FZD6: variants seen among roughly 807,000 people sequenced by gnomAD.
FZD6 encodes the protein frizzled-6.
In FZD6, 49 loss-of-function variants were observed where a neutral mutation model predicts 61.4. The observed-to-expected ratio is 0.80, with a 90% CI of 0.63 to 1.01. The LOEUF (loss-of-function observed/expected upper bound fraction) is 1.01, where lower values mean the gene tolerates loss of function less well. Among genes scored for constraint, FZD6 ranks in the 50% least tolerant of loss-of-function variants. The pLI is 0.00. For missense variants in FZD6, 724 were observed against 848.2 expected (o/e 0.85, Z 1.82); for synonymous variants, 265 against 292.2 (o/e 0.91, Z 0.95).
chr8:103,301,099 A>G (rs1019882980), intron 2 of FZD6, among the ~76,000 whole-genome samples: 2 of 152,172 alleles, frequency 1.3e-5, no homozygotes, highest in African/African-American at 4.8e-5. Context: ...GATTGTTGCT[A>G]AGAGAGGAAA....
At position 103,325,500 on chromosome 8, in the gene FZD6, TA is replaced by T; in HGVS notation, c.1392+6del. The T allele has an allele frequency of 6.3e-7, 1 of 1,599,938 alleles. No individual in the cohort carries two copies. The highest frequency in any genetic ancestry group is 8.6e-7 in the Non-Finnish European group (1 of 1,167,180). On this transcript the variant is annotated splice_donor_region_variant and intron_variant, in intron 4 of 6. Coordinates refer to ENST00000358755, the MANE Select transcript of FZD6 (RefSeq NM_003506.4). ...TACCATATCCCATGTCCTTATCAGG[TA>T]AAAGCTATCACTTGGATTATGTCTC... is the stretch of plus-strand genomic sequence containing the variant.
intron 2 of FZD6, among the ~76,000 whole-genome samples, chr8:103,305,474 TC>T (rs1475571654): frequency 6.6e-6 from 1 of 152,256 alleles, no homozygotes; most frequent in Non-Finnish European, 1.5e-5. Context: ...ATTTTTATTT[TC>T]CTGCTTTTAG....
intron 2 of FZD6, among the ~76,000 whole-genome samples, chr8:103,315,930 A>C (rs751902093): frequency 3.9e-5 from 6 of 152,166 alleles, no homozygotes; most frequent in Non-Finnish European, 7.3e-5. Context: ...GCCACATTCT[A>C]ACTAACAGGT....
chr8:103,309,635 A>G (rs935201174), intron 2 of FZD6, among the ~76,000 whole-genome samples: 2 of 152,172 alleles, frequency 1.3e-5, no homozygotes, highest in Non-Finnish European at 2.9e-5. Context: ...AAATATGCCT[A>G]TTGTGTTTTT....
Position 103,324,610 on chromosome 8 carries a change from T to C in FZD6, c.504T>C (p.Ser168=), listed in dbSNP as rs775449278. Residue 168 remains serine, a synonymous_variant, in exon 4 of 7, where the codon TCT becomes TCC. Coordinates refer to ENST00000358755, the MANE Select transcript of FZD6 (RefSeq NM_003506.4). Reference sequence around the variant, plus strand: ...GGTGTCCAAGGCATCTTAAGACTTCTGGGGGACAAGGATATAAGTTTCTGG... The same window carrying C: ...GGTGTCCAAGGCATCTTAAGACTTCCGGGGGACAAGGATATAAGTTTCTGG... ...GFWCPRHLKT[S]GGQGYKFLGI... 5 of 1,614,202 alleles carry C rather than the reference T, an allele frequency of 3.1e-6. No homozygotes were observed. Among genetic ancestry groups the C allele is most frequent in the Non-Finnish European group, 4.2e-6 (5 of 1,180,022 alleles).
chr8:103,314,020 G>A (rs1375794608), intron 2 of FZD6, among the ~76,000 whole-genome samples: 1 of 151,992 alleles, frequency 6.6e-6, no homozygotes, highest in African/African-American at 2.4e-5. Flanking sequence ...TCATTTACCT[G>A]CCTGGCCTCT....
chr8:103,331,112 G>A (rs1563696002), intron 6 of FZD6, among the ~76,000 whole-genome samples: 2 of 152,170 alleles, frequency 1.3e-5, no homozygotes, highest in East Asian at 1.9e-4. Flanking sequence ...AAGAGGTGGA[G>A]GTTGCAGTGA....
intron 2 of FZD6, among the ~76,000 whole-genome samples, chr8:103,303,197 T>C (rs770998561): frequency 2.2e-4 from 33 of 152,270 alleles, no homozygotes; most frequent in African/African-American, 5.3e-4. Flanking sequence ...CCTTCCCACA[T>C]TGCACACTCT....
intron 4 of FZD6, among the ~76,000 whole-genome samples, chr8:103,327,309 C>T (rs1206899347): frequency 4.6e-5 from 7 of 152,266 alleles, no homozygotes; most frequent in Non-Finnish European, 7.4e-5. Flanking sequence ...GAATAAAGAG[C>T]TCTGGCCGGG....
intron 5 of FZD6, among the ~76,000 whole-genome samples, chr8:103,328,855 T>C (rs1815033258): frequency 6.6e-6 from 1 of 151,074 alleles, no homozygotes; most frequent in African/African-American, 2.4e-5. Flanking sequence ...CAAATATAAG[T>C]GATGTGTTAT....
In FZD6 at chr8:103,329,910, G is replaced by T. The variant is rs758708176; in HGVS notation, c.1797G>T (p.Glu599Asp). The part of the protein sequence containing the change: ...IQTSPETSMR[E>D]VKADGASTPR... ...CCTCACCAGAAACATCAATGAGAGAGGTGAAAGCGGACGGAGCTAGCACCC... is the reference window on the plus strand; with the variant it reads ...CCTCACCAGAAACATCAATGAGAGATGTGAAAGCGGACGGAGCTAGCACCC... Residue 599 changes from glutamate to aspartate, a missense_variant, in exon 6 of 7, where the codon GAG becomes GAT. By Grantham distance (45) the Glu-to-Asp change is conservative. Coordinates refer to ENST00000358755, the MANE Select transcript of FZD6 (RefSeq NM_003506.4). 1 of 1,614,042 alleles carries T rather than the reference G, an allele frequency of 6.2e-7. No individual in the cohort carries two copies. The highest frequency in any genetic ancestry group is 1.7e-5 in the Admixed American group (1 of 59,986).
chr8:103,326,043 G>C (rs1814943466), intron 4 of FZD6, among the ~76,000 whole-genome samples: 1 of 151,984 alleles, frequency 6.6e-6, no homozygotes, highest in South Asian at 2.1e-4. Flanking sequence ...TATAAGGGTG[G>C]TGTTTTTAAA....
At chr8:103,309,560 G>A (rs528970909) in intron 2 of FZD6, among the ~76,000 whole-genome samples, 5 of 152,202 alleles carry the variant, frequency 3.3e-5, no homozygotes, top group Admixed American at 2.6e-4. Context: ...TTCTTTCATG[G>A]TAGGGAGGGA....
Position 103,315,610 on chromosome 8 carries a change from A to AGGGG in FZD6, c.178-2978_178-2975dup, listed in dbSNP as rs1046919834. ...TTGTTGTCAGGCGTGAGAGTTACTG[A>AGGGG]GGGGGTGAGGAGGATGGAAGAGCAG... On this transcript the variant is annotated intron_variant, in intron 2 of 6. Coordinates refer to ENST00000358755, the MANE Select transcript of FZD6 (RefSeq NM_003506.4). 1.9e-3 allele frequency among the ~76,000 whole-genome samples: 292 copies of AGGGG among 152,294 alleles called. 4 individuals carry two copies. The highest frequency in any genetic ancestry group is 5.1e-4 in the Non-Finnish European group (35 of 68,018).
intron 2 of FZD6, among the ~76,000 whole-genome samples, chr8:103,317,441 G>T (rs1814659035): frequency 2.0e-5 from 3 of 152,178 alleles, no homozygotes; most frequent in Admixed American, 2.0e-4. Flanking sequence ...AGCAAGTGTG[G>T]GAAGTAGTGA....
intron 4 of FZD6, among the ~76,000 whole-genome samples, chr8:103,327,411 A>C (rs376140650): frequency 6.6e-6 from 1 of 152,182 alleles, no homozygotes; most frequent in African/African-American, 2.4e-5. Context: ...CCTGGGCAAC[A>C]TGGTAAAACC....
intron 6 of FZD6, 139 bp from the exon 7 acceptor site, chr8:103,331,202 G>T (rs901443522): frequency 1.4e-6 from 1 of 732,128 alleles, no homozygotes; most frequent in African/African-American, 1.8e-5. Flanking sequence ...GTATTTTGAA[G>T]TGTTAAAGTA....
Position 103,331,508 on chromosome 8 carries a change from G to A in FZD6, c.2120G>A (p.Ter707=), listed in dbSNP as rs745486849. 3.7e-6 allele frequency: 6 copies of A among 1,604,690 alleles called. No individual in the cohort carries two copies. Among genetic ancestry groups the A allele is most frequent in the Non-Finnish European group, 4.3e-6 (5 of 1,171,552 alleles). The change falls in exon 7 of 7, where the codon TGA becomes TAA. Residue 707 remains the stop codon, a stop_retained_variant. Transcript: ENST00000358755. ...GGAGGTGGTTGTCATTCAGATACTTGAAGAACATTTTCTCTCGTTACTCAG... is the reference window on the plus strand; with the variant it reads ...GGAGGTGGTTGTCATTCAGATACTTAAAGAACATTTTCTCTCGTTACTCAG... The part of the protein sequence containing the change: ...EQGGGCHSDT[*]
intron 4 of FZD6, among the ~76,000 whole-genome samples, chr8:103,325,973 A>G (rs1419744331): frequency 6.6e-6 from 1 of 152,226 alleles, no homozygotes; most frequent in Non-Finnish European, 1.5e-5. Context: ...TCATTTCTCA[A>G]TTGAAAAAAA....
Sources: allele counts gnomAD v4.1 joint callset (sites outside exome capture counted in the v4.1 genomes callset), GRCh38; gene constraint gnomAD v4.1.1; transcripts MANE v1.5; gene names NCBI Gene and HGNC (gene_info 2026-07-23, HGNC 2026-07-21).